Variants in FHIT observed in about 807,000 individuals in gnomAD.
FHIT encodes the protein fragile histidine triad diadenosine triphosphatase, also known as bis(5'-adenosyl)-triphosphatase.
In FHIT, 19 loss-of-function variants were observed where a neutral mutation model predicts 17.9. The observed-to-expected ratio is 1.06, with a 90% CI of 0.74 to 1.56. The LOEUF is 1.56. Ranked by LOEUF, FHIT falls within the 40% of genes most tolerant of loss-of-function variation. The probability of loss-of-function intolerance (pLI) is 0.00; values close to 1 mark genes in which losing one functional copy is unlikely to be tolerated. For missense variants in FHIT, 248 were observed against 189.2 expected (o/e 1.31, Z -1.82); for synonymous variants, 81 against 69.7 (o/e 1.16, Z -0.81).
chr3:60,855,983 A>G (rs1553749842), intron 3 of FHIT, among the ~76,000 whole-genome samples: 1 of 152,076 alleles, frequency 6.6e-6, no homozygotes, highest in East Asian at 1.9e-4. Context: ...TATTTTGGGG[A>G]GAAGATGCAT....
chr3:59,784,737 T>A (rs1702759660), intron 8 of FHIT, among the ~76,000 whole-genome samples: 1 of 152,212 alleles, frequency 6.6e-6, no homozygotes, highest in Non-Finnish European at 1.5e-5. Context: ...GGCTTATTGA[T>A]CAACCTTCTT....
At chr3:60,131,255 A>T (rs1699585614) in intron 5 of FHIT, among the ~76,000 whole-genome samples, 1 of 151,932 alleles carries the variant, frequency 6.6e-6, no homozygotes, top group South Asian at 2.1e-4. Context: ...GATTACTTAT[A>T]ATACCTAACA....
At chr3:60,455,358 C>A (rs1184560207) in intron 5 of FHIT, among the ~76,000 whole-genome samples, 3 of 152,158 alleles carry the variant, frequency 2.0e-5, no homozygotes, top group Non-Finnish European at 2.9e-5. Flanking sequence ...CATCATTGAG[C>A]TTCAGCTCAG....
At chr3:60,709,534 G>A (rs895542982) in intron 4 of FHIT, among the ~76,000 whole-genome samples, 1 of 152,118 alleles carries the variant, frequency 6.6e-6, no homozygotes, top group African/African-American at 2.4e-5. Context: ...AAAATCCATG[G>A]TCTGTGTAGC....
At chr3:60,156,214 T>C (rs1037180892) in intron 5 of FHIT, among the ~76,000 whole-genome samples, 20 of 151,454 alleles carry the variant, frequency 1.3e-4, no homozygotes, top group African/African-American at 4.9e-4. Flanking sequence ...TAGCAGGGCG[T>C]GGTGATGCTC....
At chr3:60,480,247 G>A (rs1350233663) in intron 5 of FHIT, among the ~76,000 whole-genome samples, 1 of 152,098 alleles carries the variant, frequency 6.6e-6, no homozygotes, top group Non-Finnish European at 1.5e-5. Context: ...AGAACAGCAT[G>A]GGGGAAACTG....
At chr3:60,277,719 G>A (rs1707224273) in intron 5 of FHIT, among the ~76,000 whole-genome samples, 1 of 152,026 alleles carries the variant, frequency 6.6e-6, no homozygotes, top group South Asian at 2.1e-4. Flanking sequence ...GTCTCATTCA[G>A]GCACCCTTTT....
At chr3:60,011,245 G>T in intron 7 of FHIT, 126 bp downstream of exon 7, 1 of 828,464 alleles carries the variant, frequency 1.2e-6, no homozygotes, top group Non-Finnish European at 2.0e-6. Flanking sequence ...CTCTAACACT[G>T]AGGGTCTCTC....
At chr3:60,533,530 A>T (rs1388781863) in intron 5 of FHIT, among the ~76,000 whole-genome samples, 1 of 152,242 alleles carries the variant, frequency 6.6e-6, no homozygotes, top group Non-Finnish European at 1.5e-5. Flanking sequence ...GTATGAGCTC[A>T]GTAATAAAGT....
At chr3:60,891,614 T>C (rs941929810) in intron 3 of FHIT, among the ~76,000 whole-genome samples, 22 of 152,192 alleles carry the variant, frequency 1.4e-4, no homozygotes, top group African/African-American at 5.3e-4. Flanking sequence ...TTTTTCAGTA[T>C]ATAAGCCAAT....
chr3:60,273,122 A>G (rs1459156039), intron 5 of FHIT, among the ~76,000 whole-genome samples: 2 of 152,242 alleles, frequency 1.3e-5, no homozygotes, highest in African/African-American at 4.8e-5. Context: ...ATGGTGAGAA[A>G]TAATTTGCTT....
At chr3:59,973,562 G>C (rs1708279827) in intron 7 of FHIT, among the ~76,000 whole-genome samples, 1 of 151,980 alleles carries the variant, frequency 6.6e-6, no homozygotes, top group South Asian at 2.1e-4. Flanking sequence ...TTTTCCCTAA[G>C]ATATCCTACC....
At chr3:60,712,861 A>G (rs1553705521) in intron 4 of FHIT, among the ~76,000 whole-genome samples, 4 of 146,294 alleles carry the variant, frequency 2.7e-5, no homozygotes, top group South Asian at 2.4e-4. Flanking sequence ...AACATTAGAC[A>G]GATCAACGAG....
At chr3:59,967,606 A>C (rs558692709) in intron 7 of FHIT, among the ~76,000 whole-genome samples, 4 of 152,266 alleles carry the variant, frequency 2.6e-5, no homozygotes, top group African/African-American at 9.6e-5. Flanking sequence ...AGGCAGGTAA[A>C]ATTCTAAAAT....
intron 5 of FHIT, among the ~76,000 whole-genome samples, chr3:60,396,314 A>G (rs1701437242): frequency 6.6e-6 from 1 of 152,216 alleles, no homozygotes; most frequent in South Asian, 2.1e-4. Flanking sequence ...AGGGATCTAG[A>G]GAAAACAGCT....
intron 4 of FHIT, among the ~76,000 whole-genome samples, chr3:60,569,755 A>ATATTT: frequency 2.3e-4 from 18 of 77,332 alleles, no homozygotes; most frequent in East Asian, 1.1e-3. Flanking sequence ...ATATATATAT[A>ATATTT]TTTTTTTTTT....
intron 5 of FHIT, among the ~76,000 whole-genome samples, chr3:60,455,096 A>C (rs2032005508): frequency 6.6e-6 from 1 of 152,136 alleles, no homozygotes; most frequent in South Asian, 2.1e-4. Flanking sequence ...TCAAATTCAA[A>C]ATACAAATTA....
rs116942931 is a variant in FHIT at position 61,030,517 on chromosome 3, G to A, written c.-111+11530C>T. Among the ~76,000 whole-genome samples, 1,221 of 152,310 alleles carry A rather than the reference G, an allele frequency of 8.0e-3. 24 individuals are homozygous for A. Among genetic ancestry groups the A allele is most frequent in the South Asian group, 0.054 (262 of 4,822 alleles). On this transcript the variant is annotated intron_variant, in intron 3 of 9. Coordinates refer to ENST00000492590, the MANE Select transcript of FHIT (RefSeq NM_002012.4). ...CAATTAGCACATGTGGCTAATGTCT[G>A]CCATATACATTTTAATCATCACAGA...
chr3:60,338,718 A>C (rs1710365947), intron 5 of FHIT, among the ~76,000 whole-genome samples: 1 of 152,212 alleles, frequency 6.6e-6, no homozygotes, highest in Non-Finnish European at 1.5e-5. Flanking sequence ...AGCACCAGTG[A>C]ATACAGAAGA....
Sources: allele counts gnomAD v4.1 joint callset (sites outside exome capture counted in the v4.1 genomes callset), GRCh38; gene constraint gnomAD v4.1.1; transcripts MANE v1.5; gene names NCBI Gene and HGNC (gene_info 2026-07-23, HGNC 2026-07-21).